SMKR1: variants seen among roughly 807,000 people sequenced by gnomAD.
SMKR1 encodes the protein small lysine-rich protein 1.
A neutral mutation model predicts 4.0 loss-of-function variants in SMKR1; 4 were observed. That is an observed-to-expected ratio of 1.00 (90% CI 0.49 to 2.30). The LOEUF (loss-of-function observed/expected upper bound fraction) is 2.30, where lower values mean the gene tolerates loss of function less well. Among genes scored for constraint, SMKR1 ranks in the 30% most tolerant of loss-of-function variants. SMKR1 has a pLI of 0.02. For synonymous variants in SMKR1, 38 were observed against 32.5 expected (o/e 1.17, Z -0.58); for missense variants, 56 against 81.8 (o/e 0.68, Z 1.22).
rs938833245 is a variant in SMKR1 at position 129,502,627 on chromosome 7, C to G, written c.-198C>G. 16 of 737,130 alleles carry G rather than the reference C, an allele frequency of 2.2e-5. No homozygotes were observed. Among genetic ancestry groups the G allele is most frequent in the East Asian group, 1.0e-4 (3 of 29,712 alleles). The allele number at this position is 737,130 out of a possible 1,614,324, so 45.7% of individuals were successfully genotyped here. ...GGCGGCTCCGCGGCTGGCTGCCTCCCGAGCCGGCCGCGCTCCTCCCAGCGA... is the reference window on the plus strand; with the variant it reads ...GGCGGCTCCGCGGCTGGCTGCCTCCGGAGCCGGCCGCGCTCCTCCCAGCGA... On this transcript the variant is annotated 5_prime_UTR_variant, in exon 1 of 2. Transcript: ENST00000462322.
intron 1 of SMKR1, among the ~76,000 whole-genome samples, chr7:129,506,675 T>C (rs1377253105): frequency 7.2e-6 from 1 of 138,746 alleles, no homozygotes; most frequent in East Asian, 2.3e-4. Flanking sequence ...ATATATGCAG[T>C]CATACATTAT....
intron 1 of SMKR1, among the ~76,000 whole-genome samples, chr7:129,505,129 T>C (rs1468453715): frequency 6.6e-6 from 1 of 152,258 alleles, no homozygotes; most frequent in African/African-American, 2.4e-5. Context: ...TCAGCAGATA[T>C]TTATGCATCC....
intron 1 of SMKR1, among the ~76,000 whole-genome samples, chr7:129,504,289 C>G (rs563412864): frequency 6.6e-6 from 1 of 152,374 alleles, no homozygotes; most frequent in East Asian, 1.9e-4. Context: ...CCTTCCTTAG[C>G]TGCTCTCACT....
At position 129,502,622 on chromosome 7, in the gene SMKR1, C is replaced by T; in HGVS notation, c.-203C>T. On this transcript the variant is annotated 5_prime_UTR_variant, in exon 1 of 2. Transcript: ENST00000462322. ...GTCCAGGCGGCTCCGCGGCTGGCTG[C>T]CTCCCGAGCCGGCCGCGCTCCTCCC... is the stretch of plus-strand genomic sequence containing the variant. 1.5e-6 allele frequency: 1 copy of T among 664,888 alleles called. No individual in the cohort carries two copies. The allele number at this position is 664,888 out of a possible 1,614,324, so 41.2% of individuals were successfully genotyped here.
intron 1 of SMKR1, among the ~76,000 whole-genome samples, chr7:129,504,889 T>C (rs1003812708): frequency 1.3e-5 from 2 of 152,146 alleles, no homozygotes; most frequent in Non-Finnish European, 2.9e-5. Context: ...CGTGAGTAAA[T>C]GCATTTGTGA....
At chr7:129,506,685 TG>T (rs1168200648) in intron 1 of SMKR1, among the ~76,000 whole-genome samples, 3 of 79,396 alleles carry the variant, frequency 3.8e-5, no homozygotes, top group Non-Finnish European at 8.2e-5. Context: ...TCATACATTA[TG>T]TTTTTTTTTT....
rs569871744 is a variant in SMKR1 at position 129,502,969 on chromosome 7, G to C, written c.3+142G>C. ...CGTGGCGAAAAGATGGAGGGACAAG[G>C]GGTGCCCGGCGGTCCGCGCCTGCTG... On this transcript the variant is annotated intron_variant, in intron 1 of 1. Coordinates refer to ENST00000462322, the MANE Select transcript of SMKR1 (RefSeq NM_001195243.2). 60 of 1,271,192 alleles carry C rather than the reference G, an allele frequency of 4.7e-5. 1 individual carries two copies. In the African/African-American group the frequency reaches 8.5e-4, roughly 18 times the overall value. The allele number at this position is 1,271,192 out of a possible 1,614,324, so 78.7% of individuals were successfully genotyped here. A position where few individuals can be genotyped will look rare whatever the true frequency, so the allele number is the denominator to read the frequency against.
intron 1 of SMKR1, among the ~76,000 whole-genome samples, chr7:129,505,249 C>G (rs1477955812): frequency 6.6e-6 from 1 of 152,114 alleles, no homozygotes; most frequent in South Asian, 2.1e-4. Flanking sequence ...TTACTATTAA[C>G]TAGTGAAAAG....
chr7:129,511,606 A>G (rs1799527274), intron 1 of SMKR1, among the ~76,000 whole-genome samples: 1 of 152,226 alleles, frequency 6.6e-6, no homozygotes, highest in Non-Finnish European at 1.5e-5. Flanking sequence ...CACAGCTTGC[A>G]TTACGTTGGG....
At chr7:129,510,006 T>A (rs943469645) in intron 1 of SMKR1, among the ~76,000 whole-genome samples, 3 of 152,244 alleles carry the variant, frequency 2.0e-5, no homozygotes, top group African/African-American at 7.2e-5. Context: ...ACAAGAGACA[T>A]TTTTTAATAA....
At chr7:129,507,760 A>G (rs1799484938) in intron 1 of SMKR1, among the ~76,000 whole-genome samples, 1 of 152,140 alleles carries the variant, frequency 6.6e-6, no homozygotes, top group Admixed American at 6.5e-5. Context: ...ATTGCATTTC[A>G]CTAATGACTT....
chr7:129,505,805 A>G (rs1045866677), intron 1 of SMKR1, among the ~76,000 whole-genome samples: 1 of 152,130 alleles, frequency 6.6e-6, no homozygotes, highest in South Asian at 2.1e-4. Flanking sequence ...TAAAGAGGTG[A>G]TATTTGAGCA....
At chr7:129,509,536 T>G (rs1360018432) in intron 1 of SMKR1, among the ~76,000 whole-genome samples, 2 of 151,870 alleles carry the variant, frequency 1.3e-5, no homozygotes, top group Non-Finnish European at 2.9e-5. Flanking sequence ...CTAGCAAAAA[T>G]GTATTTCAGC....
intron 1 of SMKR1, among the ~76,000 whole-genome samples, chr7:129,505,887 C>T (rs952992482): frequency 6.6e-6 from 1 of 152,130 alleles, no homozygotes; most frequent in African/African-American, 2.4e-5. Context: ...GCAAGCATTG[C>T]CCAGGGAGAA....
At chr7:129,510,719 C>A (rs1799516809) in intron 1 of SMKR1, among the ~76,000 whole-genome samples, 2 of 151,986 alleles carry the variant, frequency 1.3e-5, no homozygotes, top group South Asian at 4.1e-4. Context: ...CACAGCAAGA[C>A]CCTGTCTCCA....
chr7:129,510,186 A>G (rs995029643), intron 1 of SMKR1, among the ~76,000 whole-genome samples: 1 of 152,262 alleles, frequency 6.6e-6, no homozygotes, highest in African/African-American at 2.4e-5. Flanking sequence ...TTTCTTGGGT[A>G]TGACAAAAGC....
intron 1 of SMKR1, among the ~76,000 whole-genome samples, chr7:129,507,907 G>A (rs1446797564): frequency 6.6e-6 from 1 of 152,026 alleles, no homozygotes; most frequent in Non-Finnish European, 1.5e-5. Flanking sequence ...TCTCCATATA[G>A]GCCTTTATGA....
In SMKR1 at chr7:129,509,819, G is replaced by C. The variant is rs192076623; in HGVS notation, c.4-2428G>C. Among the ~76,000 whole-genome samples the C allele has an allele frequency of 2.4e-3, 363 of 152,332 alleles. 1 individual carries two copies. Among genetic ancestry groups the C allele is most frequent in the Non-Finnish European group, 4.3e-3 (294 of 68,022 alleles). ...CTCCCAAAGTGCTGGGATTACAGGCGTGAGCCAGCGCGCCCGGCCTATTTT... is the reference window on the plus strand; with the variant it reads ...CTCCCAAAGTGCTGGGATTACAGGCCTGAGCCAGCGCGCCCGGCCTATTTT... On this transcript the variant is annotated intron_variant, in intron 1 of 1. Transcript: ENST00000462322.
At position 129,502,704 on chromosome 7, in the gene SMKR1, G is replaced by C; in HGVS notation, c.-121G>C. ...TGGGCCCGTGGCGGTTCCCTGAGGA[G>C]GGCCGAGAAGGGGCCGGGGGTGCTA... On this transcript the variant is annotated 5_prime_UTR_variant, in exon 1 of 2. Transcript: ENST00000462322. 1.4e-6 allele frequency: 2 copies of C among 1,449,596 alleles called. No homozygotes were observed. Among genetic ancestry groups the C allele is most frequent in the Non-Finnish European group, 1.9e-6 (2 of 1,072,654 alleles). 89.8% of individuals were successfully genotyped at this position (1,449,596 alleles called of 1,614,324 possible). A position where few individuals can be genotyped will look rare whatever the true frequency, so the allele number is the denominator to read the frequency against.
Sources: allele counts gnomAD v4.1 joint callset (sites outside exome capture counted in the v4.1 genomes callset), GRCh38; gene constraint gnomAD v4.1.1; transcripts MANE v1.5; gene names NCBI Gene and HGNC (gene_info 2026-07-23, HGNC 2026-07-21).